Variants in CHN1 observed in about 807,000 individuals in gnomAD.
The protein encoded by CHN1 is N-chimaerin.
A neutral mutation model predicts 59.5 loss-of-function variants in CHN1; 37 were observed. The observed-to-expected ratio is 0.62, with a 90% CI of 0.48 to 0.82. CHN1 has a LOEUF of 0.82. Among genes scored for constraint, CHN1 ranks in the 40% least tolerant of loss-of-function variants. The pLI is 0.00. For missense variants in CHN1, 469 were observed against 571.0 expected, an observed-to-expected ratio of 0.82 and a Z score of 1.82; for synonymous variants, 206 against 200.4, an observed-to-expected ratio of 1.03 and a Z score of -0.24.
Position 174,812,408 on chromosome 2 carries a change from T to C in CHN1, c.787A>G (p.Lys263Glu). The change falls in exon 9 of 13, where the codon AAA becomes GAA. Residue 263 changes from lysine (K) to glutamate (E), a missense_variant. Physicochemically the swap from Lys to Glu is moderately conservative, Grantham distance 56. This residue lies in a region of CHN1 where 225 missense variants were observed against 289.9 expected (regional missense o/e 0.78). Transcript: ENST00000409900. ...GTAAGGTCACAGCTGTACACCTTTT[T>C]GACATGCTTCAAGTCTGGCTTACAG... ...NDCKPDLKHV[K>E]KVYSCDLTTL... The C allele has an allele frequency of 6.2e-7, 1 of 1,614,032 alleles. No individual in the cohort carries two copies. Among genetic ancestry groups the C allele is most frequent in the Non-Finnish European group, 8.5e-7 (1 of 1,179,890 alleles).
At chr2:174,828,219 A>G (rs1232392820) in intron 7 of CHN1, among the ~76,000 whole-genome samples, 1 of 152,134 alleles carries the variant, frequency 6.6e-6, no homozygotes, top group Non-Finnish European at 1.5e-5. Context: ...AAAGTGGGGA[A>G]TAGGAACTGG....
At position 174,955,639 on chromosome 2, in the gene CHN1, A is replaced by C. The variant is rs562003008; in HGVS notation, c.20-3437T>G. On this transcript the variant is annotated intron_variant, in intron 1 of 12. Coordinates refer to ENST00000409900, the MANE Select transcript of CHN1 (RefSeq NM_001822.7). ...AAAAATCTATAGAAATAAATAAATA[A>C]ATTGAAAAACAAACAAATGAAAAAT... Among the ~76,000 whole-genome samples the C allele has an allele frequency of 3.3e-5, 5 of 152,238 alleles. No individual in the cohort carries two copies. The South Asian group carries it at 1.0e-3, about 32-fold the overall frequency.
chr2:174,952,215 A>T lies in CHN1; in HGVS notation c.20-13T>A. ...TATTCATCTGTATCTGAAAGAAAAAACATCAAATTAACATTACTGAATATT... is the reference window on the plus strand; with the variant it reads ...TATTCATCTGTATCTGAAAGAAAAATCATCAAATTAACATTACTGAATATT... On this transcript the variant is annotated splice_polypyrimidine_tract_variant and intron_variant, in intron 1 of 12. Transcript: ENST00000409900. The T allele has an allele frequency of 7.2e-7, 1 of 1,382,236 alleles. No homozygotes were observed. The highest frequency in any genetic ancestry group is 2.7e-5 in the East Asian group (1 of 36,604). 85.6% of individuals were successfully genotyped at this position (1,382,236 alleles called of 1,614,324 possible). A position where few individuals can be genotyped will look rare whatever the true frequency, so the allele number is the denominator to read the frequency against.
chr2:174,943,846 C>T (rs2105403068), intron 3 of CHN1, among the ~76,000 whole-genome samples: 1 of 152,092 alleles, frequency 6.6e-6, no homozygotes, highest in Admixed American at 6.5e-5. Context: ...TTGTGGAGAA[C>T]AAGGTCTCAC....
At chr2:174,983,596 G>A (rs1444724071) in intron 1 of CHN1, among the ~76,000 whole-genome samples, 6 of 151,998 alleles carry the variant, frequency 3.9e-5, no homozygotes, top group African/African-American at 7.2e-5. Flanking sequence ...TTGGGAGGCC[G>A]AGGCGGGTGG....
At chr2:174,910,188 G>A (rs892132777) in intron 5 of CHN1, among the ~76,000 whole-genome samples, 2 of 151,846 alleles carry the variant, frequency 1.3e-5, no homozygotes, top group Non-Finnish European at 2.9e-5. Context: ...TCTTTTTCCA[G>A]TTTTCTTCTA....
In CHN1 at chr2:175,005,146, T is replaced by G. The variant is rs1330273306; in HGVS notation, c.-234A>C. The G allele has an allele frequency of 7.8e-7, 1 of 1,289,370 alleles. No individual in the cohort carries two copies. The highest frequency in any genetic ancestry group is 9.8e-7 in the Non-Finnish European group (1 of 1,016,172). 79.9% of individuals were successfully genotyped at this position (1,289,370 alleles called of 1,614,324 possible). ...CGGGCCCAGGGAGCCCCGCTAGCTC[T>G]CCGCGAGCCGGCACTTGTCGCTGCC... On this transcript the variant is annotated 5_prime_UTR_variant, in exon 1 of 13. Transcript: ENST00000409900.
intron 6 of CHN1, 125 bp downstream of exon 6, chr2:174,877,715 G>A (rs1449979155): frequency 1.4e-6 from 1 of 717,988 alleles, no homozygotes; most frequent in African/African-American, 1.8e-5. Context: ...ACAGAAACTA[G>A]ACATTAAGAA....
intron 6 of CHN1, among the ~76,000 whole-genome samples, chr2:174,859,116 G>A (rs769908724): frequency 1.3e-5 from 2 of 151,946 alleles, no homozygotes; most frequent in African/African-American, 2.4e-5. Context: ...AGCTGAGACT[G>A]GTACATTACT....
rs78473129 is a variant in CHN1, at chr2:174,858,955, A to C, written c.550-11998T>G. ...GTGACATTTTAATGGACTGAGAAAA[A>C]TCTACCATGCTGATTTCCTCCTCTA... On this transcript the variant is annotated intron_variant, in intron 6 of 12. Coordinates refer to ENST00000409900, the MANE Select transcript of CHN1 (RefSeq NM_001822.7). 4.8e-5 allele frequency among the ~76,000 whole-genome samples: 7 copies of C among 146,330 alleles called. No homozygotes were observed. In the East Asian group the frequency reaches 1.4e-3, roughly 29 times the overall value.
intron 3 of CHN1, among the ~76,000 whole-genome samples, chr2:174,935,472 C>CTCAT (rs1689470717): frequency 1.3e-5 from 2 of 152,156 alleles, no homozygotes; most frequent in African/African-American, 4.8e-5. Flanking sequence ...ACAAAGATAT[C>CTCAT]TCATTCATTC....
At chr2:174,897,269 C>T (rs1481336250) in intron 5 of CHN1, among the ~76,000 whole-genome samples, 1 of 152,064 alleles carries the variant, frequency 6.6e-6, no homozygotes, top group African/African-American at 2.4e-5. Flanking sequence ...TATTGTTTGG[C>T]ACATTATAAT....
intron 6 of CHN1, among the ~76,000 whole-genome samples, chr2:174,872,085 C>A (rs1419956370): frequency 6.6e-6 from 1 of 152,024 alleles, no homozygotes; most frequent in Non-Finnish European, 1.5e-5. Context: ...AGTTTGAGAC[C>A]AGCTTGGGCA....
At chr2:174,918,481 G>A in intron 4 of CHN1, 53 bp downstream of exon 4, 1 of 1,347,398 alleles carries the variant, frequency 7.4e-7, no homozygotes, top group South Asian at 1.5e-5. Flanking sequence ...CATTTACCCT[G>A]TCTGTCTTAC....
intron 9 of CHN1, 148 bp from the exon 10 acceptor site, chr2:174,811,736 G>A (rs182584800): frequency 3.6e-6 from 2 of 549,822 alleles, no homozygotes; most frequent in South Asian, 2.9e-5. Context: ...AGAATAAAAC[G>A]ATTTCACACA....
chr2:174,965,207 T>C (rs1574221521), intron 1 of CHN1, among the ~76,000 whole-genome samples: 1 of 152,166 alleles, frequency 6.6e-6, no homozygotes, highest in African/African-American at 2.4e-5. Context: ...TACATCTTCA[T>C]GTTCTCTCCA....
At chr2:174,944,501 C>T (rs1006404470) in intron 3 of CHN1, among the ~76,000 whole-genome samples, 1 of 152,092 alleles carries the variant, frequency 6.6e-6, no homozygotes, top group Non-Finnish European at 1.5e-5. Context: ...CTATCCACAT[C>T]TTTTGTTCAT....
At chr2:175,002,842 A>C (rs780971939) in intron 1 of CHN1, among the ~76,000 whole-genome samples, 1 of 152,228 alleles carries the variant, frequency 6.6e-6, no homozygotes, top group Non-Finnish European at 1.5e-5. Context: ...TTAAGAGTAA[A>C]TATGAAGGGA....
intron 5 of CHN1, among the ~76,000 whole-genome samples, chr2:174,906,678 A>C (rs749774672): frequency 3.3e-5 from 5 of 152,314 alleles, no homozygotes; most frequent in Middle Eastern, 6.8e-3. Context: ...AAAAAGATGC[A>C]ATTTTATAAT....
Sources: gnomAD v4.1 joint callset for allele counts (sites outside exome capture counted in the v4.1 genomes callset) on GRCh38, gnomAD v4.1.1 for gene constraint, gnomAD v4.1.1 regional missense constraint, MANE v1.5 for transcripts, NCBI Gene and HGNC (gene_info 2026-07-23, HGNC 2026-07-21) for gene names.